NMT2: variants seen among roughly 807,000 people sequenced by gnomAD.
NMT2 encodes the protein glycylpeptide N-tetradecanoyltransferase 2.
In NMT2, 35 loss-of-function variants were observed where a neutral mutation model predicts 65.4. That is an observed-to-expected ratio of 0.54 (90% CI 0.41 to 0.71). The LOEUF (loss-of-function observed/expected upper bound fraction) is 0.71. NMT2 is among the 30% of genes least tolerant of loss of function. NMT2 has a pLI of 0.00. For synonymous variants in NMT2, 226 were observed against 231.8 expected (o/e 0.98, Z 0.23); for missense variants, 489 against 611.3 (o/e 0.80, Z 2.11).
At chr10:15,167,436 T>G (rs1039677867) in intron 1 of NMT2, among the ~76,000 whole-genome samples, 1 of 152,216 alleles carries the variant, frequency 6.6e-6, no homozygotes, top group Non-Finnish European at 1.5e-5. Context: ...CTCTACGAAC[T>G]GAGTAAACCA....
At chr10:15,156,495 G>A (rs928135249) in intron 1 of NMT2, among the ~76,000 whole-genome samples, 7 of 152,034 alleles carry the variant, frequency 4.6e-5, no homozygotes, top group Non-Finnish European at 1.0e-4. Context: ...CGGGGCGGAG[G>A]CTACCATATT....
Position 15,109,211 on chromosome 10 carries a change from C to T in NMT2, c.1481G>A (p.Gly494Glu). 6.2e-7 allele frequency: 1 copy of T among 1,603,856 alleles called. No homozygotes were observed. Among genetic ancestry groups the T allele is most frequent in the Non-Finnish European group, 8.5e-7 (1 of 1,176,262 alleles). Residue 494 changes from glycine to glutamate, a missense_variant, in exon 12 of 12, where the codon GGA becomes GAA. Physicochemically the swap from Gly to Glu is moderately conservative, Grantham distance 98. Coordinates refer to ENST00000378165, the MANE Select transcript of NMT2 (RefSeq NM_004808.3). Reference sequence around the variant, plus strand: ...AATATCCATCTATTGTAGTACTAGTCCAACCTGAAGGGAGGGAAGAAATGG... The same window carrying T: ...AATATCCATCTATTGTAGTACTAGTTCAACCTGAAGGGAGGGAAGAAATGG... Reference protein sequence around the residue: ...RCPGTDSEKVGLVLQ With the variant: ...RCPGTDSEKVELVLQ
At chr10:15,112,654 T>A in intron 10 of NMT2, 142 bp downstream of exon 10, 1 of 748,892 alleles carries the variant, frequency 1.3e-6, no homozygotes. Context: ...ATCAAAATTC[T>A]TCCTTTGACT....
chr10:15,127,048 T>C (rs7916022), intron 8 of NMT2, among the ~76,000 whole-genome samples: 24,346 of 150,902 alleles, frequency 0.16, 3,405 homozygotes, highest in African/African-American at 0.38. Flanking sequence ...CTGGCCAACA[T>C]GGTGAAACCC....
intron 7 of NMT2, among the ~76,000 whole-genome samples, chr10:15,128,868 G>A (rs1281701466): frequency 1.3e-5 from 2 of 152,076 alleles, no homozygotes; most frequent in Non-Finnish European, 2.9e-5. Flanking sequence ...AGCCAGGCAC[G>A]GTGGTGTGCA....
In NMT2 at chr10:15,168,650, G is replaced by C. The variant is rs756313515; in HGVS notation, c.-38C>G. 16 of 1,510,522 alleles carry C rather than the reference G, an allele frequency of 1.1e-5. No individual in the cohort carries two copies. Among genetic ancestry groups the C allele is most frequent in the South Asian group, 1.1e-4 (9 of 85,470 alleles). The allele number at this position is 1,510,522 out of a possible 1,614,324, so 93.6% of individuals were successfully genotyped here. A position where few individuals can be genotyped will look rare whatever the true frequency, so the allele number is the denominator to read the frequency against. ...GGCTGGGGAGGCGGTGCTCGGGGCC[G>C]GGCCGGAGCGGCCGCAGCTCCCTCT... On this transcript the variant is annotated 5_prime_UTR_variant, in exon 1 of 12. Coordinates refer to ENST00000378165, the MANE Select transcript of NMT2 (RefSeq NM_004808.3).
At position 15,112,902 on chromosome 10, in the gene NMT2, T is replaced by C. The variant is rs761396864; in HGVS notation, c.1232A>G (p.His411Arg). ...SFYTLPSTVM[H>R]HPAHKSLKAA... ...TTTGAGGCTCTTGTGAGCAGGGTGG[T>C]GCATCACCGTGGAGGGGAGCGTATA... The change falls in exon 10 of 12, where the codon CAC (histidine) becomes CGC (arginine). Residue 411 changes from histidine to arginine, a missense_variant. His to Arg is a conservative substitution (Grantham distance 29). Coordinates refer to ENST00000378165, the MANE Select transcript of NMT2 (RefSeq NM_004808.3). 1.9e-6 allele frequency: 3 copies of C among 1,613,956 alleles called. No homozygotes were observed. In the African/African-American group the frequency reaches 4.0e-5, roughly 22 times the overall value.
intron 9 of NMT2, among the ~76,000 whole-genome samples, chr10:15,117,553 T>C (rs998135694): frequency 2.0e-5 from 3 of 152,182 alleles, no homozygotes; most frequent in Non-Finnish European, 4.4e-5. Context: ...CCTGCATTAA[T>C]GCAAGACCAA....
At position 15,109,740 on chromosome 10, in the gene NMT2, G is replaced by C; in HGVS notation, c.1438C>G (p.Leu480Val). The C allele has an allele frequency of 6.2e-7, 1 of 1,613,620 alleles. No individual in the cohort carries two copies. Among genetic ancestry groups the C allele is most frequent in the Non-Finnish European group, 8.5e-7 (1 of 1,179,826 alleles). ...GIGDGNLQYY[L>V]YNWRCPGTDS... is the part of the protein sequence containing the mutation. ...GTACCTGGACACCTCCAATTGTACAGGTAATACTGCAAATTGCCATCTCCT... is the reference window on the plus strand; with the variant it reads ...GTACCTGGACACCTCCAATTGTACACGTAATACTGCAAATTGCCATCTCCT... The change falls in exon 11 of 12, where the codon CTG (leucine) becomes GTG (valine). Residue 480 changes from leucine to valine, a missense_variant. Transcript: ENST00000378165.
At chr10:15,121,904 T>C (rs1845942397) in intron 8 of NMT2, among the ~76,000 whole-genome samples, 1 of 152,186 alleles carries the variant, frequency 6.6e-6, no homozygotes, top group South Asian at 2.1e-4. Flanking sequence ...CATTTAATAA[T>C]CTAAATTTAG....
intron 8 of NMT2, among the ~76,000 whole-genome samples, chr10:15,123,531 GAAA>G (rs775699014): frequency 8.9e-4 from 47 of 52,536 alleles, no homozygotes; most frequent in African/African-American, 2.0e-3. Flanking sequence ...TCGTCTCACA[GAAA>G]AAAAAAAAAA....
chr10:15,138,511 A>T, intron 2 of NMT2: 1 of 469,840 alleles, frequency 2.1e-6, no homozygotes. Flanking sequence ...CCACGATTCC[A>T]CTCCTATATA....
At chr10:15,145,562 T>C (rs1322761239) in intron 1 of NMT2, among the ~76,000 whole-genome samples, 1 of 152,118 alleles carries the variant, frequency 6.6e-6, no homozygotes, top group Non-Finnish European at 1.5e-5. Context: ...ATATTTTTAG[T>C]AAAGACGGGG....
chr10:15,138,004 C>CTT (rs374744946), intron 2 of NMT2, among the ~76,000 whole-genome samples: 1,439 of 128,052 alleles, frequency 0.011, 13 homozygotes, highest in African/African-American at 0.024. Flanking sequence ...TCTTCTTCTT[C>CTT]TTTTTTTTTT....
At chr10:15,142,965 C>T (rs762125670) in intron 1 of NMT2, among the ~76,000 whole-genome samples, 2 of 152,058 alleles carry the variant, frequency 1.3e-5, no homozygotes, top group Non-Finnish European at 2.9e-5. Context: ...TTGGTGAATC[C>T]GTTGTACTGT....
intron 1 of NMT2, among the ~76,000 whole-genome samples, chr10:15,158,090 C>A (rs561194058): frequency 6.6e-6 from 1 of 152,024 alleles, no homozygotes; most frequent in Non-Finnish European, 1.5e-5. Flanking sequence ...CAAAGGAGGG[C>A]GGATCACTTG....
chr10:15,166,769 G>C (rs1373537628), intron 1 of NMT2, among the ~76,000 whole-genome samples: 1 of 152,138 alleles, frequency 6.6e-6, no homozygotes, highest in Non-Finnish European at 1.5e-5. Flanking sequence ...AACTTCCGAA[G>C]GCAGCACAGA....
intron 10 of NMT2, among the ~76,000 whole-genome samples, chr10:15,111,938 C>T (rs546939443): frequency 1.1e-4 from 17 of 151,352 alleles, no homozygotes; most frequent in Admixed American, 2.6e-4. Flanking sequence ...CTCAGCCTCC[C>T]GAGTAGCTGG....
Position 15,131,440 on chromosome 10 carries a change from C to T in NMT2, c.720-1128G>A, listed in dbSNP as rs187719072. On this transcript the variant is annotated intron_variant, in intron 6 of 11. Coordinates refer to ENST00000378165, the MANE Select transcript of NMT2 (RefSeq NM_004808.3). ...CTAGGATTACAAGCATGAATCACTA[C>T]GACCTGCCCGTCTTTAAGTTTCTAG... is the stretch of plus-strand genomic sequence containing the variant. Among the ~76,000 whole-genome samples, 358 of 151,942 alleles carry T rather than the reference C, an allele frequency of 2.4e-3. 2 individuals carry two copies. The highest frequency in any genetic ancestry group is 8.3e-3 in the African/African-American group (345 of 41,440).
Sources: allele counts gnomAD v4.1 joint callset (sites outside exome capture counted in the v4.1 genomes callset), GRCh38; gene constraint gnomAD v4.1.1; transcripts MANE v1.5; gene names NCBI Gene and HGNC (gene_info 2026-07-23, HGNC 2026-07-21).